Variants in RASGRF2 observed in about 807,000 individuals in gnomAD.
RASGRF2 encodes ras-specific guanine nucleotide-releasing factor 2.
Under a neutral mutation model 151.0 loss-of-function variants are expected in RASGRF2, and 76 were observed. The ratio of observed to expected loss-of-function variants is 0.50; its 90% CI spans 0.42 to 0.61. The LOEUF is 0.61. RASGRF2 is among the 20% of genes least tolerant of loss of function. The pLI, the probability that RASGRF2 is intolerant of heterozygous loss-of-function variation, is 0.00. For synonymous variants in RASGRF2, 504 were observed against 566.5 expected, an observed-to-expected ratio of 0.89 and a Z score of 1.57; for missense variants, 1,148 against 1,564.6, an observed-to-expected ratio of 0.73 and a Z score of 4.49.
At chr5:80,969,002 A>G (rs1429838959) in intron 1 of RASGRF2, among the ~76,000 whole-genome samples, 2 of 151,786 alleles carry the variant, frequency 1.3e-5, no homozygotes, top group African/African-American at 2.4e-5. Flanking sequence ...TTGCATAACC[A>G]TGATCATGGT....
chr5:81,075,704 TTC>T (rs2112468585), intron 5 of RASGRF2, among the ~76,000 whole-genome samples: 1 of 152,318 alleles, frequency 6.6e-6, no homozygotes, highest in African/African-American at 2.4e-5. Flanking sequence ...AAGATGACTT[TTC>T]TCTTGGATCT....
intron 18 of RASGRF2, among the ~76,000 whole-genome samples, chr5:81,200,296 G>T (rs1436427265): frequency 2.6e-5 from 4 of 151,506 alleles, no homozygotes; most frequent in Non-Finnish European, 5.9e-5. Flanking sequence ...AAAAGAAGAA[G>T]AATAGTTTTA....
intron 17 of RASGRF2, among the ~76,000 whole-genome samples, chr5:81,127,603 CTG>C (rs1753493109): frequency 6.6e-6 from 1 of 152,016 alleles, no homozygotes; most frequent in Admixed American, 6.6e-5. Flanking sequence ...TGGGAAGAGA[CTG>C]TCTTTTAAAT....
chr5:81,082,746 T>A (rs1367881163), intron 7 of RASGRF2, among the ~76,000 whole-genome samples: 1 of 152,238 alleles, frequency 6.6e-6, no homozygotes, highest in East Asian at 1.9e-4. Flanking sequence ...GCTTTCTGGC[T>A]TTTGCCAGAC....
intron 2 of RASGRF2, among the ~76,000 whole-genome samples, chr5:81,055,300 C>T (rs981779207): frequency 6.6e-5 from 10 of 152,242 alleles, no homozygotes; most frequent in African/African-American, 2.4e-4. Flanking sequence ...AGATACGTCC[C>T]ATCAATACCT....
chr5:81,051,629 C>T (rs73127147), intron 2 of RASGRF2, among the ~76,000 whole-genome samples: 2,638 of 152,288 alleles, frequency 0.017, 56 homozygotes, highest in African/African-American at 0.059. Flanking sequence ...TTCCAAGCTT[C>T]GTCAATGTGG....
intron 15 of RASGRF2, among the ~76,000 whole-genome samples, chr5:81,119,815 C>G (rs756961580): frequency 6.6e-6 from 1 of 152,240 alleles, no homozygotes; most frequent in East Asian, 1.9e-4. Flanking sequence ...GCCTCTGCTT[C>G]TCACTGGATT....
At chr5:81,102,960 G>A (rs1213008217) in intron 12 of RASGRF2, among the ~76,000 whole-genome samples, 1 of 152,108 alleles carries the variant, frequency 6.6e-6, no homozygotes, top group Non-Finnish European at 1.5e-5. Flanking sequence ...GGCATGGAGA[G>A]CAGTAGAATT....
chr5:81,059,806 T>A (rs1339901582), intron 2 of RASGRF2, among the ~76,000 whole-genome samples: 1 of 151,900 alleles, frequency 6.6e-6, no homozygotes, highest in Non-Finnish European at 1.5e-5. Context: ...ATCGCGCCAC[T>A]CCACTCCAGC....
At chr5:81,211,524 C>T (rs1287768318) in intron 22 of RASGRF2, among the ~76,000 whole-genome samples, 6 of 152,208 alleles carry the variant, frequency 3.9e-5, no homozygotes, top group East Asian at 1.9e-4. Context: ...GCTAAGGATG[C>T]GCAGGCACTC....
At chr5:81,132,078 CTT>C (rs1233759056) in intron 17 of RASGRF2, among the ~76,000 whole-genome samples, 1 of 152,176 alleles carries the variant, frequency 6.6e-6, no homozygotes, top group Non-Finnish European at 1.5e-5. Flanking sequence ...TTCCTCAACA[CTT>C]ATCACTATTT....
At chr5:81,167,827 A>G (rs1451565096) in intron 17 of RASGRF2, among the ~76,000 whole-genome samples, 1 of 152,178 alleles carries the variant, frequency 6.6e-6, no homozygotes, top group Non-Finnish European at 1.5e-5. Flanking sequence ...GCACTCAGAC[A>G]CAGCAGAGCC....
At chr5:81,205,293 A>G (rs1279362430) in intron 19 of RASGRF2, among the ~76,000 whole-genome samples, 1 of 152,196 alleles carries the variant, frequency 6.6e-6, no homozygotes, top group Non-Finnish European at 1.5e-5. Context: ...GGACCCTTGA[A>G]GAGGTGCCTT....
At position 81,209,646 on chromosome 5, in the gene RASGRF2, C is replaced by T. The variant is rs1193251993; in HGVS notation, c.3156+1208C>T. Among the ~76,000 whole-genome samples, 3 of 152,294 alleles carry T rather than the reference C, an allele frequency of 2.0e-5. No individual in the cohort carries two copies. In the East Asian group the frequency reaches 5.8e-4, roughly 29 times the overall value. ...AAGGGCATGGCCCATCTAGTGCCTG[C>T]CCTGAGAAACAGATTCCCTGCTGTG... On this transcript the variant is annotated intron_variant, in intron 22 of 26. Transcript: ENST00000265080.
At chr5:81,082,279 A>G (rs768747238) in intron 7 of RASGRF2, among the ~76,000 whole-genome samples, 17 of 152,180 alleles carry the variant, frequency 1.1e-4, no homozygotes, top group Non-Finnish European at 2.1e-4. Context: ...TGAGGTGTCC[A>G]AATACAGCGA....
chr5:81,215,158 G>A (rs899272773), intron 23 of RASGRF2, among the ~76,000 whole-genome samples: 3 of 152,008 alleles, frequency 2.0e-5, no homozygotes, highest in East Asian at 1.9e-4. Flanking sequence ...GGCCAACATC[G>A]TGAAACTCTG....
chr5:81,113,478 C>T, intron 14 of RASGRF2, 60 bp from the exon 15 acceptor site: 1 of 1,478,978 alleles, frequency 6.8e-7, no homozygotes, highest in Non-Finnish European at 9.3e-7. Context: ...TCTTGAATGA[C>T]ATCTGGGAAT....
At chr5:81,011,318 T>C (rs1749453162) in intron 1 of RASGRF2, among the ~76,000 whole-genome samples, 1 of 152,234 alleles carries the variant, frequency 6.6e-6, no homozygotes, top group African/African-American at 2.4e-5. Flanking sequence ...GACTGTGTTA[T>C]AGTTTATTTA....
intron 22 of RASGRF2, chr5:81,210,085 A>G (rs947525307): frequency 6.6e-6 from 1 of 152,358 alleles, no homozygotes; most frequent in African/African-American, 2.4e-5. Context: ...CTCCTGACTC[A>G]TCTCTCCCCT....
Sources: allele counts gnomAD v4.1 joint callset (sites outside exome capture counted in the v4.1 genomes callset), GRCh38; gene constraint gnomAD v4.1.1; transcripts MANE v1.5; gene names NCBI Gene and HGNC (gene_info 2026-07-23, HGNC 2026-07-21).